The following CDC42SE2 variants were observed in gnomAD, a reference collection of about 807,000 sequenced individuals.
CDC42SE2 encodes the protein CDC42 small effector 2, also known as CDC42 small effector protein 2.
CDC42SE2 carries 3 observed loss-of-function variants against 11.5 expected under a neutral mutation model. That is an observed-to-expected ratio of 0.26 (90% confidence interval 0.12 to 0.67). The LOEUF is 0.67. Ranked by LOEUF, CDC42SE2 falls within the 30% of genes least tolerant of loss-of-function variation. The pLI, the probability that CDC42SE2 is intolerant of heterozygous loss-of-function variation, is 0.80. For synonymous variants in CDC42SE2, 33 were observed against 34.8 expected (o/e 0.95, Z 0.18); for missense variants, 82 against 106.8 (o/e 0.77, Z 1.02).
chr5:131,303,538 C>T (rs933722926), intron 1 of CDC42SE2, among the ~76,000 whole-genome samples: 3 of 152,044 alleles, frequency 2.0e-5, no homozygotes, highest in Admixed American at 1.3e-4. Flanking sequence ...ACTTAAAAAT[C>T]GATTTTATTT....
At chr5:131,362,783 GTTGC>G (rs1749745406) in intron 3 of CDC42SE2, among the ~76,000 whole-genome samples, 7 of 152,190 alleles carry the variant, frequency 4.6e-5, no homozygotes. Context: ...TGTAGTTGCT[GTTGC>G]TAGATATAGC....
intron 2 of CDC42SE2, among the ~76,000 whole-genome samples, chr5:131,324,363 G>T (rs1295137448): frequency 6.6e-6 from 1 of 152,202 alleles, no homozygotes; most frequent in Non-Finnish European, 1.5e-5. Flanking sequence ...ACTTGGTAGA[G>T]AAGGGCACAA....
chr5:131,311,461 C>T (rs1422634526), intron 1 of CDC42SE2, among the ~76,000 whole-genome samples: 1 of 151,482 alleles, frequency 6.6e-6, no homozygotes, highest in Admixed American at 6.6e-5. Flanking sequence ...GTGGCGTTCT[C>T]TGTATTTCCT....
chr5:131,326,172 T>A (rs1758297681), intron 2 of CDC42SE2, among the ~76,000 whole-genome samples: 1 of 151,594 alleles, frequency 6.6e-6, no homozygotes. Context: ...TGGCGCAATC[T>A]CAGCTCACTG....
the CDC42SE2 span, among the ~76,000 whole-genome samples, chr5:131,221,669 T>G: frequency 6.6e-6 from 1 of 152,204 alleles, no homozygotes; most frequent in Non-Finnish European, 1.5e-5. Context: ...TAAGCTTTCT[T>G]GCACTACTTC....
chr5:131,242,478 A>G (rs1001504929), upstream of CDC42SE2, among the ~76,000 whole-genome samples: 2 of 152,032 alleles, frequency 1.3e-5, no homozygotes, highest in African/African-American at 4.8e-5. Flanking sequence ...AAGGTTATCC[A>G]TTTCTTCTTA....
intron 1 of CDC42SE2, among the ~76,000 whole-genome samples, chr5:131,273,511 C>T (rs1757036850): frequency 6.7e-6 from 1 of 149,760 alleles, no homozygotes; most frequent in Non-Finnish European, 1.5e-5. Context: ...TGGCTCATGC[C>T]TGTAATCCCA....
At chr5:131,226,613 A>G in the CDC42SE2 span, among the ~76,000 whole-genome samples, 1 of 152,244 alleles carries the variant, frequency 6.6e-6, no homozygotes, top group Admixed American at 6.5e-5. Flanking sequence ...ACTAATTCCT[A>G]GAGGACCAAA....
intron 1 of CDC42SE2, among the ~76,000 whole-genome samples, chr5:131,278,729 CT>C (rs1255034273): frequency 1.6e-3 from 7 of 4,280 alleles, no homozygotes; most frequent in East Asian, 5.9e-3. Context: ...CCCCTCCCCC[CT>C]CCCCTCCCCT....
chr5:131,238,124 A>AT, the CDC42SE2 span, among the ~76,000 whole-genome samples: 151,561 of 151,562 alleles, frequency 1, 75,780 homozygotes, highest in Middle Eastern at 1. Context: ...TGCATGATGC[A>AT]TCTAAATAAA....
chr5:131,293,648 T>C (rs1757510177), intron 1 of CDC42SE2, among the ~76,000 whole-genome samples: 1 of 152,026 alleles, frequency 6.6e-6, no homozygotes, highest in African/African-American at 2.4e-5. Context: ...CTTCCCAGCT[T>C]CCACAACTAT....
intron 3 of CDC42SE2, among the ~76,000 whole-genome samples, chr5:131,366,031 C>T (rs1029917036): frequency 2.0e-5 from 3 of 152,140 alleles, no homozygotes; most frequent in Non-Finnish European, 4.4e-5. Flanking sequence ...GAAAACCCTA[C>T]GTTTTAGAAA....
chr5:131,303,522 T>C (rs531529960), intron 1 of CDC42SE2, among the ~76,000 whole-genome samples: 1 of 152,284 alleles, frequency 6.6e-6, no homozygotes, highest in African/African-American at 2.4e-5. Context: ...TTGTAGTGGA[T>C]TGGGCACTTA....
At chr5:131,327,791 G>A (rs1758327413) in intron 2 of CDC42SE2, among the ~76,000 whole-genome samples, 2 of 152,140 alleles carry the variant, frequency 1.3e-5, no homozygotes, top group African/African-American at 2.4e-5. Flanking sequence ...TTATGGGTTA[G>A]TGCCTTAGAT....
intron 3 of CDC42SE2, among the ~76,000 whole-genome samples, chr5:131,376,672 C>T (rs1221309865): frequency 2.0e-5 from 3 of 152,088 alleles, no homozygotes; most frequent in Non-Finnish European, 4.4e-5. Flanking sequence ...TCAGATGGGT[C>T]CTGGTATCTG....
intron 2 of CDC42SE2, among the ~76,000 whole-genome samples, chr5:131,257,895 T>C (rs1166362001): frequency 2.0e-5 from 3 of 152,186 alleles, no homozygotes; most frequent in African/African-American, 7.2e-5. Flanking sequence ...GACCCCCTGG[T>C]GCTTGCTGAA....
At chr5:131,377,260 C>T (rs1307055496) in intron 3 of CDC42SE2, among the ~76,000 whole-genome samples, 2 of 151,748 alleles carry the variant, frequency 1.3e-5, no homozygotes. Context: ...CGTCTGCCTC[C>T]CGGGTTCAAA....
intron 2 of CDC42SE2, among the ~76,000 whole-genome samples, chr5:131,347,849 G>A (rs1436594118): frequency 6.6e-6 from 1 of 152,142 alleles, no homozygotes; most frequent in Admixed American, 6.5e-5. Flanking sequence ...TTCAACATAT[G>A]CAAATCAATA....
At chr5:131,359,704 G>T (rs1173883462) in intron 3 of CDC42SE2, 157 bp downstream of exon 3, 6 of 665,500 alleles carry the variant, frequency 9.0e-6, no homozygotes, top group African/African-American at 7.2e-5. Flanking sequence ...TGTTTAAAAA[G>T]AAATAATGTT....
Sources: allele counts gnomAD v4.1 joint callset (sites outside exome capture counted in the v4.1 genomes callset), GRCh38; gene constraint gnomAD v4.1.1; transcripts MANE v1.5; gene names NCBI Gene and HGNC (gene_info 2026-07-23, HGNC 2026-07-21).